IL27RA: variants seen among roughly 807,000 people sequenced by gnomAD.
IL27RA encodes the protein interleukin-27 receptor subunit alpha.
In IL27RA, 61 loss-of-function variants were observed where a neutral mutation model predicts 80.8. The observed-to-expected ratio is 0.76, with a 90% CI of 0.61 to 0.93. IL27RA has a LOEUF of 0.93. Among genes scored for constraint, IL27RA ranks in the 40% least tolerant of loss-of-function variants. The pLI is 0.00. For missense variants in IL27RA, 735 were observed against 808.1 expected, an observed-to-expected ratio of 0.91 and a Z score of 1.10; for synonymous variants, 316 against 332.5, an observed-to-expected ratio of 0.95 and a Z score of 0.54.
intron 2 of IL27RA, among the ~76,000 whole-genome samples, chr19:14,037,535 G>A (rs1007242089): frequency 1.5e-4 from 23 of 151,944 alleles, no homozygotes; most frequent in Middle Eastern, 3.4e-3. Context: ...GATTACAGGC[G>A]TGAGCCACCA....
rs1394828528 is a variant in IL27RA at position 14,042,471 on chromosome 19, A to C, written c.553A>C (p.Thr185Pro). The change falls in exon 5 of 14, where the codon ACC becomes CCC. Residue 185 changes from threonine to proline, a missense_variant. Thr to Pro is a conservative substitution (Grantham distance 38). Coordinates refer to ENST00000263379, the MANE Select transcript of IL27RA (RefSeq NM_004843.4). Reference sequence around the variant, plus strand: ...CCCCCAGCTGGAACCGGAGCTGAAGACCATACCCCTGACCCCTGTTGAGAT... The same window carrying C: ...CCCCCAGCTGGAACCGGAGCTGAAGCCCATACCCCTGACCCCTGTTGAGAT... ...AWTLLEPELK[T>P]IPLTPVEIQD... The C allele has an allele frequency of 1.2e-6, 2 of 1,614,056 alleles. No individual in the cohort carries two copies. Among genetic ancestry groups the C allele is most frequent in the Non-Finnish European group, 1.7e-6 (2 of 1,179,986 alleles).
chr19:14,031,849 G>C lies in IL27RA; in HGVS notation c.-24G>C, dbSNP rs1183137713. 4 of 1,569,850 alleles carry C rather than the reference G, an allele frequency of 2.5e-6. No individual in the cohort carries two copies. The highest frequency in any genetic ancestry group is 3.5e-6 in the Non-Finnish European group (4 of 1,158,194). On this transcript the variant is annotated 5_prime_UTR_variant, in exon 1 of 14. Transcript: ENST00000263379. ...GCGCGGACCCGGCAAGGCTGGGCCG[G>C]ACTCGGGGCTCCCGAGGGACGCCAT...
rs1976003687 is a variant in IL27RA, at chr19:14,042,439, T to A, written c.535-14T>A. ...AGGCCCTGGGCCCATCACGCTCGCCTGTCTCTCCCCCAGCTGGAACCGGAG... is the reference window on the plus strand; with the variant it reads ...AGGCCCTGGGCCCATCACGCTCGCCAGTCTCTCCCCCAGCTGGAACCGGAG... On this transcript the variant is annotated splice_polypyrimidine_tract_variant and intron_variant, in intron 4 of 13. Coordinates refer to ENST00000263379, the MANE Select transcript of IL27RA (RefSeq NM_004843.4). 6.2e-7 allele frequency: 1 copy of A among 1,611,680 alleles called. No homozygotes were observed. Among genetic ancestry groups the A allele is most frequent in the South Asian group, 1.1e-5 (1 of 91,024 alleles).
At chr19:14,049,394 C>A (rs962354855) in intron 10 of IL27RA, 80 bp downstream of exon 10, 1 of 1,468,528 alleles carries the variant, frequency 6.8e-7, no homozygotes, top group Non-Finnish European at 9.2e-7. Flanking sequence ...CTTGTCCCCA[C>A]GTGGGCCTCT....
chr19:14,044,644 G>A (rs977384627), intron 6 of IL27RA, among the ~76,000 whole-genome samples: 1 of 152,082 alleles, frequency 6.6e-6, no homozygotes, highest in Non-Finnish European at 1.5e-5. Context: ...GAGGTGAGCA[G>A]GGTAGGGTCA....
chr19:14,040,076 T>C (rs1975967986), intron 4 of IL27RA, among the ~76,000 whole-genome samples, 166 bp downstream of exon 4: 1 of 151,814 alleles, frequency 6.6e-6, no homozygotes, highest in Non-Finnish European at 1.5e-5. Flanking sequence ...CAAATTCTCC[T>C]CCCATGGCTG....
Position 14,046,543 on chromosome 19 carries a change from G to C in IL27RA, c.1066G>C (p.Ala356Pro). 6.2e-7 allele frequency: 1 copy of C among 1,614,024 alleles called. No homozygotes were observed. The highest frequency in any genetic ancestry group is 8.5e-7 in the Non-Finnish European group (1 of 1,179,976). ...ACCACTGGAGCATGTAGTGGACTGG[G>C]CTCGAGATGGGGACCCCCTGGAGAA... ...GEPLEHVVDW[A>P]RDGDPLEKLN... The change falls in exon 8 of 14, where the codon GCT (alanine) becomes CCT (proline). Residue 356 changes from alanine to proline, a missense_variant. By Grantham distance (27) the Ala-to-Pro change is conservative. Coordinates refer to ENST00000263379, the MANE Select transcript of IL27RA (RefSeq NM_004843.4).
intron 8 of IL27RA, among the ~76,000 whole-genome samples, chr19:14,048,476 A>G (rs1218038313): frequency 6.6e-6 from 1 of 152,068 alleles, no homozygotes; most frequent in Non-Finnish European, 1.5e-5. Context: ...ACCCTCAGCT[A>G]CCATGGTAGG....
chr19:14,045,445 C>CA (rs1976051146), intron 6 of IL27RA, among the ~76,000 whole-genome samples: 1 of 146,308 alleles, frequency 6.8e-6, no homozygotes, highest in South Asian at 2.2e-4. Flanking sequence ...ACTAAAAATA[C>CA]AAAAAATTAG....
chr19:14,038,651 G>A (rs1196093865), intron 2 of IL27RA, among the ~76,000 whole-genome samples: 4 of 151,570 alleles, frequency 2.6e-5, no homozygotes, highest in Admixed American at 2.0e-4. Flanking sequence ...TTGGGAGGCC[G>A]AGACAGGCGG....
At chr19:14,046,678 C>T in intron 8 of IL27RA, 60 bp downstream of exon 8, 1 of 1,447,952 alleles carries the variant, frequency 6.9e-7, no homozygotes, top group Non-Finnish European at 9.4e-7. Context: ...GATGGGTGGA[C>T]TTGTAAGAGG....
chr19:14,031,903 C>T lies in IL27RA; in HGVS notation c.31C>T (p.Leu11=). 6.2e-7 allele frequency: 1 copy of T among 1,605,364 alleles called. No individual in the cohort carries two copies. Among genetic ancestry groups the T allele is most frequent in the South Asian group, 1.1e-5 (1 of 89,820 alleles). The change falls in exon 1 of 14, where the codon CTG becomes TTG. Residue 11 remains leucine, a synonymous_variant. Transcript: ENST00000263379. MRGGRGAPFW[L]WPLPKLALLP... ...GGGAGGCAGGGGCGCCCCTTTCTGG[C>T]TGTGGCCGCTGCCCAAGCTGGCGCT...
chr19:14,045,573 C>A (rs1208423996), intron 6 of IL27RA, among the ~76,000 whole-genome samples: 1 of 148,840 alleles, frequency 6.7e-6, no homozygotes, highest in Non-Finnish European at 1.5e-5. Flanking sequence ...TGCACTCCAG[C>A]CTGGGCGACA....
chr19:14,046,105 G>T (rs1316994168), intron 6 of IL27RA, 49 bp from the exon 7 acceptor site: 1 of 1,548,750 alleles, frequency 6.5e-7, no homozygotes, highest in African/African-American at 1.4e-5. Flanking sequence ...ACACATATAT[G>T]TGCGTGATTA....
intron 11 of IL27RA, 128 bp downstream of exon 11, chr19:14,051,011 G>C: frequency 1.0e-6 from 1 of 959,208 alleles, no homozygotes; most frequent in Non-Finnish European, 1.5e-6. Context: ...CACTCTGGGA[G>C]GCTGAGGCAG....
chr19:14,047,205 G>C, intron 8 of IL27RA, among the ~76,000 whole-genome samples: 1 of 138,412 alleles, frequency 7.2e-6, no homozygotes, highest in South Asian at 2.4e-4. Context: ...CACCACAATC[G>C]GTTAATTTTT....
Position 14,046,604 on chromosome 19 carries a change from G to A in IL27RA, c.1127G>A (p.Ser376Asn). 1 of 1,607,116 alleles carries A rather than the reference G, an allele frequency of 6.2e-7. No individual in the cohort carries two copies. Among genetic ancestry groups the A allele is most frequent in the Non-Finnish European group, 8.5e-7 (1 of 1,176,346 alleles). Residue 376 changes from serine (S) to asparagine (N), a missense_variant, in exon 8 of 14, where the codon AGT becomes AAT. By Grantham distance (46) the Ser-to-Asn change is conservative (BLOSUM62 1). Coordinates refer to ENST00000263379, the MANE Select transcript of IL27RA (RefSeq NM_004843.4). ...NWVRLPPGNLSALLPGNFTVG... is the reference protein window; with the variant it reads ...NWVRLPPGNLNALLPGNFTVG... ...GTCCGGCTTCCCCCTGGGAACCTCA[G>A]TGCTCTGTTACCAGGTGAGGCCCTG...
At position 14,053,082 on chromosome 19, in the gene IL27RA, CATAACACATGCCTATG is replaced by C. The variant is rs1337512219; in HGVS notation, c.*795_*810del. 1 of 152,564 alleles carries C rather than the reference CATAACACATGCCTATG, an allele frequency of 6.6e-6. No individual in the cohort carries two copies. The highest frequency in any genetic ancestry group is 1.5e-5 in the Non-Finnish European group (1 of 68,278). The allele number at this position is 152,564 out of a possible 1,614,324, so 9.5% of individuals were successfully genotyped here. On this transcript the variant is annotated 3_prime_UTR_variant, in exon 14 of 14. Transcript: ENST00000263379. ...TCCTTTCCTTGCCTATGAGCTGGAA[CATAACACATGCCTATG>C]ATCCAGCTTTGGTCATACCCAAGGG... is the stretch of plus-strand genomic sequence containing the variant.
Sources: gnomAD v4.1 joint callset for allele counts (sites outside exome capture counted in the v4.1 genomes callset) on GRCh38, gnomAD v4.1.1 for gene constraint, MANE v1.5 for transcripts, NCBI Gene and HGNC (gene_info 2026-07-23, HGNC 2026-07-21) for gene names.